LAMA4: variants seen among roughly 807,000 people sequenced by gnomAD.
The protein encoded by LAMA4 is laminin subunit alpha-4.
A neutral mutation model predicts 207.1 loss-of-function variants in LAMA4; 127 were observed. The observed-to-expected ratio is 0.61, with a 90% CI of 0.53 to 0.71. LAMA4 has a LOEUF of 0.71. Among genes scored for constraint, LAMA4 ranks in the 30% least tolerant of loss-of-function variants. The pLI is 0.00. For missense variants in LAMA4, 2,093 were observed against 2,246.5 expected (o/e 0.93, Z 1.38); for synonymous variants, 761 against 816.0 (o/e 0.93, Z 1.15).
At chr6:112,167,151 G>A (rs1296745308) in intron 12 of LAMA4, among the ~76,000 whole-genome samples, 1 of 152,222 alleles carries the variant, frequency 6.6e-6, no homozygotes, top group Non-Finnish European at 1.5e-5. Context: ...AGCTCTGTGG[G>A]TACTTTTTTG....
intron 30 of LAMA4, among the ~76,000 whole-genome samples, chr6:112,129,365 C>G (rs539039410): frequency 6.6e-6 from 1 of 152,096 alleles, no homozygotes; most frequent in Admixed American, 6.6e-5. Flanking sequence ...GTTTCTTAAT[C>G]TATATTAAAT....
chr6:112,202,781 A>C (rs1374828093), intron 4 of LAMA4, among the ~76,000 whole-genome samples: 1 of 152,152 alleles, frequency 6.6e-6, no homozygotes, highest in African/African-American at 2.4e-5. Context: ...AGCCTACTTA[A>C]AGAACCACTG....
intron 3 of LAMA4, among the ~76,000 whole-genome samples, chr6:112,211,786 T>C (rs1164639321): frequency 6.6e-6 from 1 of 152,134 alleles, no homozygotes; most frequent in Non-Finnish European, 1.5e-5. Flanking sequence ...GAACAAAGTA[T>C]GTTTAGGTGG....
intron 32 of LAMA4, 149 bp downstream of exon 32, chr6:112,121,865 A>G (rs587770837): frequency 1.4e-5 from 10 of 701,894 alleles, no homozygotes; most frequent in East Asian, 2.7e-5. Flanking sequence ...AGCATAAATC[A>G]TGTACTATTT....
intron 10 of LAMA4, among the ~76,000 whole-genome samples, chr6:112,176,721 C>T (rs1239278707): frequency 6.6e-6 from 1 of 152,048 alleles, no homozygotes; most frequent in Non-Finnish European, 1.5e-5. Flanking sequence ...TAATTTTGGC[C>T]TGTTTTAGTT....
In LAMA4 at chr6:112,175,371, A is replaced by T; in HGVS notation, c.1299T>A (p.Arg433=). The T allele has an allele frequency of 6.2e-7, 1 of 1,614,126 alleles. No individual in the cohort carries two copies. Among genetic ancestry groups the T allele is most frequent in the Non-Finnish European group, 8.5e-7 (1 of 1,180,004 alleles). ...GCTCCCGTTGGGTGAAAAATGGTTG[A>T]CGGCTTCTAATCTCTTCAAGCATCT... is the stretch of plus-strand genomic sequence containing the variant. ...AQKMLEEIRS[R]QPFFTQRELV... is the part of the protein sequence containing the mutation. Residue 433 remains arginine (R), a synonymous_variant, in exon 11 of 39, where the codon CGT becomes CGA. Coordinates refer to ENST00000230538, the MANE Select transcript of LAMA4 (RefSeq NM_001105206.3).
At chr6:112,111,117 T>C (rs1422515433) in intron 38 of LAMA4, among the ~76,000 whole-genome samples, 3 of 152,204 alleles carry the variant, frequency 2.0e-5, no homozygotes, top group Non-Finnish European at 1.5e-5. Flanking sequence ...CTGTGCTCAC[T>C]ATAGTCTCCA....
intron 38 of LAMA4, among the ~76,000 whole-genome samples, chr6:112,112,343 C>A (rs1041829254): frequency 1.3e-5 from 2 of 152,102 alleles, no homozygotes; most frequent in African/African-American, 4.8e-5. Context: ...AAGATACCAT[C>A]GTTGAACATT....
At chr6:112,217,232 T>C (rs921704811) in intron 2 of LAMA4, among the ~76,000 whole-genome samples, 4 of 152,172 alleles carry the variant, frequency 2.6e-5, no homozygotes, top group Non-Finnish European at 4.4e-5. Context: ...CCAGATATCA[T>C]TAGTGTGCCA....
At chr6:112,140,298 C>A (rs1554332794) in intron 22 of LAMA4, among the ~76,000 whole-genome samples, 1 of 152,158 alleles carries the variant, frequency 6.6e-6, no homozygotes, top group Non-Finnish European at 1.5e-5. Context: ...CTTCTTCGAC[C>A]TTTCCTTTAT....
intron 2 of LAMA4, among the ~76,000 whole-genome samples, chr6:112,238,147 G>A (rs1199480056): frequency 4.6e-5 from 7 of 152,204 alleles, no homozygotes; most frequent in Non-Finnish European, 1.0e-4. Flanking sequence ...ACCTGGGAAT[G>A]TTCCACCAGG....
intron 31 of LAMA4, among the ~76,000 whole-genome samples, chr6:112,126,227 C>T (rs1443911841): frequency 6.6e-6 from 1 of 152,130 alleles, no homozygotes; most frequent in African/African-American, 2.4e-5. Flanking sequence ...AAAGGGGTAA[C>T]TGTGTTTGCT....
In LAMA4 at chr6:112,131,078, C is replaced by T; in HGVS notation, c.3858G>A (p.Leu1286=). 1 of 1,613,054 alleles carries T rather than the reference C, an allele frequency of 6.2e-7. No individual in the cohort carries two copies. Among genetic ancestry groups the T allele is most frequent in the Non-Finnish European group, 8.5e-7 (1 of 1,179,250 alleles). Residue 1286 remains leucine, a synonymous_variant, in exon 29 of 39, where the codon CTG becomes CTA. Transcript: ENST00000230538. The part of the protein sequence containing the change: ...ASGSDVFSIS[L]DNGTVIMDVK... Reference sequence around the variant, plus strand: ...CATCCATGATGACAGTACCATTATCCAGTGAGATGGAGAACACGTCTGACT... The same window carrying T: ...CATCCATGATGACAGTACCATTATCTAGTGAGATGGAGAACACGTCTGACT...
At chr6:112,119,104 T>C in intron 34 of LAMA4, 52 bp downstream of exon 34, 5 of 1,581,536 alleles carry the variant, frequency 3.2e-6, no homozygotes, top group Non-Finnish European at 4.3e-6. Context: ...CTCAATTAGA[T>C]GATCTTCTGG....
intron 2 of LAMA4, among the ~76,000 whole-genome samples, chr6:112,243,904 A>T (rs1457219176): frequency 6.6e-6 from 1 of 152,120 alleles, no homozygotes; most frequent in Non-Finnish European, 1.5e-5. Context: ...CCAAAAGTAC[A>T]AAAATTAGCT....
intron 24 of LAMA4, among the ~76,000 whole-genome samples, chr6:112,138,851 C>T (rs1246848946): frequency 6.6e-6 from 1 of 152,098 alleles, no homozygotes; most frequent in Non-Finnish European, 1.5e-5. Flanking sequence ...TCTGCAGACA[C>T]CCTGCTCATC....
In LAMA4 at chr6:112,118,672, G is replaced by T. The variant is rs587729940; in HGVS notation, c.4821+484C>A. 9.2e-5 allele frequency among the ~76,000 whole-genome samples: 14 copies of T among 151,474 alleles called. No homozygotes were observed. The South Asian group carries it at 2.9e-3, about 32-fold the overall frequency. On this transcript the variant is annotated intron_variant, in intron 34 of 38. Transcript: ENST00000230538. The surrounding 1 kb of genome is among the most constrained non-coding windows in gnomAD (Gnocchi z 4.6). ...TCTACTATATTCTCACTTCTCCCCA[G>T]GGCAACCACATTTCCTTATACATTT...
rs782214273 is a variant in LAMA4 at position 112,175,323 on chromosome 6, C to T, written c.1347G>A (p.Glu449=). 1 of 1,614,086 alleles carries T rather than the reference C, an allele frequency of 6.2e-7. No individual in the cohort carries two copies. The highest frequency in any genetic ancestry group is 1.7e-5 in the Admixed American group (1 of 60,022). ...QRELVDEEAD[E]AYELLSQAES... Reference sequence around the variant, plus strand: ...GAGGAATACACCTACGTTCGTAAGCCTCATCTGCCTCCTCATCCACGAGCT... The same window carrying T: ...GAGGAATACACCTACGTTCGTAAGCTTCATCTGCCTCCTCATCCACGAGCT... The change falls in exon 11 of 39, where the codon GAG becomes GAA. Residue 449 remains glutamate, a synonymous_variant. Transcript: ENST00000230538.
intron 11 of LAMA4, among the ~76,000 whole-genome samples, chr6:112,174,753 A>G (rs1221998994): frequency 6.6e-6 from 1 of 152,122 alleles, no homozygotes; most frequent in Non-Finnish European, 1.5e-5. Context: ...GGCCTCCCAA[A>G]GTGCTGGGAT....
Sources: gnomAD v4.1 joint callset for allele counts (sites outside exome capture counted in the v4.1 genomes callset) on GRCh38, gnomAD v4.1.1 for gene constraint, Gnocchi (gnomAD v3.1) non-coding constraint, MANE v1.5 for transcripts, NCBI Gene and HGNC (gene_info 2026-07-23, HGNC 2026-07-21) for gene names.